The following CASD1 variants were observed in gnomAD, a reference collection of about 807,000 sequenced individuals.
The protein encoded by CASD1 is N-acetylneuraminate (7)9-O-acetyltransferase.
CASD1 carries 41 observed loss-of-function variants against 100.0 expected under a neutral mutation model. That is an observed-to-expected ratio of 0.41 (90% CI 0.32 to 0.53). The LOEUF is 0.53. CASD1 is among the 20% of genes least tolerant of loss of function. CASD1 has a pLI of 0.25. For synonymous variants in CASD1, 321 were observed against 315.6 expected, an observed-to-expected ratio of 1.02 and a Z score of -0.18; for missense variants, 774 against 948.7, an observed-to-expected ratio of 0.82 and a Z score of 2.42.
the CASD1 span, chr7:94,599,664 G>C: frequency 5.0e-6 from 8 of 1,598,176 alleles, no homozygotes; most frequent in African/African-American, 1.3e-5. Flanking sequence ...GGGAAAAAAT[G>C]ATGAAGAAAA....
the CASD1 span, chr7:94,588,525 T>G: frequency 6.9e-7 from 1 of 1,454,716 alleles, no homozygotes; most frequent in Non-Finnish European, 9.0e-7. Context: ...ATCTATGTAA[T>G]AATCTAAGCT....
the CASD1 span, chr7:94,618,951 G>T: frequency 6.2e-7 from 1 of 1,611,808 alleles, no homozygotes; most frequent in Non-Finnish European, 8.5e-7. Flanking sequence ...TATGGCAACG[G>T]GAAGTCTAAT....
chr7:94,628,165 T>A, the CASD1 span: 1 of 1,285,956 alleles, frequency 7.8e-7, no homozygotes, highest in Non-Finnish European at 1.1e-6. Flanking sequence ...CACACACACA[T>A]ATATGTATAG....
At chr7:94,518,345 C>T (rs1419025479) in intron 3 of CASD1, 22 bp downstream of exon 3, 1 of 1,548,030 alleles carries the variant, frequency 6.5e-7, no homozygotes, top group Non-Finnish European at 8.7e-7. Context: ...CTATTCCCTT[C>T]TGTAGAGTGT....
chr7:94,513,244 T>G (rs1314844251), intron 1 of CASD1, among the ~76,000 whole-genome samples: 1 of 142,896 alleles, frequency 7.0e-6, no homozygotes, highest in Non-Finnish European at 1.5e-5. Flanking sequence ...GAGAATCACT[T>G]GAACCCAGGA....
chr7:94,581,159 CTT>C, the CASD1 span, among the ~76,000 whole-genome samples: 1 of 152,146 alleles, frequency 6.6e-6, no homozygotes, highest in Non-Finnish European at 1.5e-5. Context: ...AGAATCCAAA[CTT>C]AAATTAGAAA....
intron 10 of CASD1, among the ~76,000 whole-genome samples, chr7:94,540,638 C>T (rs1018305955): frequency 2.0e-5 from 3 of 151,920 alleles, no homozygotes; most frequent in African/African-American, 2.4e-5. Context: ...TATGAAAGAG[C>T]CAAGATAGTG....
At chr7:94,604,627 C>A in the CASD1 span, among the ~76,000 whole-genome samples, 1 of 149,552 alleles carries the variant, frequency 6.7e-6, no homozygotes, top group Non-Finnish European at 1.5e-5. Context: ...CAAGACAATT[C>A]AAAAAGGAAA....
the CASD1 span, among the ~76,000 whole-genome samples, chr7:94,571,705 A>G: frequency 6.6e-6 from 1 of 152,190 alleles, no homozygotes; most frequent in Non-Finnish European, 1.5e-5. Context: ...GTTTGCTTAC[A>G]GTAAAAAGTG....
chr7:94,530,872 G>T (rs1019089822), intron 5 of CASD1, among the ~76,000 whole-genome samples: 3 of 152,044 alleles, frequency 2.0e-5, no homozygotes, highest in African/African-American at 4.8e-5. Context: ...AGGGAGGAAG[G>T]ACTGTAAAAT....
the CASD1 span, among the ~76,000 whole-genome samples, chr7:94,582,329 G>A: frequency 2.0e-5 from 3 of 152,106 alleles, no homozygotes; most frequent in African/African-American, 7.2e-5. Flanking sequence ...TGTCGGCCAG[G>A]CTGGTCTTGA....
At chr7:94,625,904 A>G in the CASD1 span, 1 of 152,090 alleles carries the variant, frequency 6.6e-6, no homozygotes, top group African/African-American at 2.4e-5. Flanking sequence ...TCTTTGGGGC[A>G]TATTGCTAGA....
At chr7:94,598,941 C>T in the CASD1 span, 2 of 1,613,696 alleles carry the variant, frequency 1.2e-6, no homozygotes, top group Non-Finnish European at 1.7e-6. Context: ...TTCTGAATAG[C>T]ACTGTGATGG....
chr7:94,564,085 A>G, the CASD1 span, among the ~76,000 whole-genome samples: 2 of 152,170 alleles, frequency 1.3e-5, no homozygotes, highest in Admixed American at 6.6e-5. Context: ...ACACAGCAAA[A>G]GAGTTACCAT....
chr7:94,586,087 A>AAC, the CASD1 span, among the ~76,000 whole-genome samples: 1 of 145,486 alleles, frequency 6.9e-6, no homozygotes, highest in African/African-American at 2.6e-5. Flanking sequence ...AAAAAAAAAA[A>AAC]CAACAACTTC....
the CASD1 span, chr7:94,585,596 CAAG>C: frequency 1.1e-6 from 1 of 895,264 alleles, no homozygotes; most frequent in Non-Finnish European, 1.9e-6. Context: ...CAAATTATGG[CAAG>C]GAGAAAGTTT....
chr7:94,605,618 G>A, the CASD1 span, among the ~76,000 whole-genome samples: 1 of 151,916 alleles, frequency 6.6e-6, no homozygotes, highest in Non-Finnish European at 1.5e-5. Flanking sequence ...AATTTGGATT[G>A]GTTATATATG....
intron 13 of CASD1, among the ~76,000 whole-genome samples, chr7:94,548,993 A>G (rs1313142720): frequency 1.3e-5 from 2 of 152,000 alleles, no homozygotes; most frequent in Non-Finnish European, 2.9e-5. Flanking sequence ...GGTATGGTTG[A>G]TTGAGTAAGG....
chr7:94,599,962 T>C, the CASD1 span: 1 of 378,000 alleles, frequency 2.6e-6, no homozygotes, highest in Non-Finnish European at 4.7e-6. Flanking sequence ...AATCAAGGCC[T>C]TGATTGAAAT....
Sources: allele counts gnomAD v4.1 joint callset (sites outside exome capture counted in the v4.1 genomes callset), GRCh38; gene constraint gnomAD v4.1.1; transcripts MANE v1.5; gene names NCBI Gene and HGNC (gene_info 2026-07-23, HGNC 2026-07-21).